The following RBMS3 variants were observed in gnomAD, a reference collection of about 807,000 sequenced individuals.
RBMS3 encodes the protein RNA binding motif single stranded interacting protein 3.
Under a neutral mutation model 66.8 loss-of-function variants are expected in RBMS3, and 27 were observed. That is an observed-to-expected ratio of 0.40 (90% CI 0.30 to 0.56). The LOEUF is 0.56. RBMS3 is among the 20% of genes least tolerant of loss of function. RBMS3 has a pLI of 0.40. For synonymous variants in RBMS3, 188 were observed against 183.0 expected, an observed-to-expected ratio of 1.03 and a Z score of -0.22; for missense variants, 513 against 549.5, an observed-to-expected ratio of 0.93 and a Z score of 0.66.
chr3:29,452,214 C>G (rs1346903411), intron 2 of RBMS3, among the ~76,000 whole-genome samples: 2 of 152,156 alleles, frequency 1.3e-5, no homozygotes, highest in African/African-American at 2.4e-5. Context: ...CCAGTTGATT[C>G]TCAGCTTATT....
intron 2 of RBMS3, among the ~76,000 whole-genome samples, chr3:29,451,608 A>T (rs143175065): frequency 1.1e-4 from 16 of 152,140 alleles, no homozygotes; most frequent in Non-Finnish European, 1.3e-4. Flanking sequence ...GTAGATCAGG[A>T]TCCTTTACTT....
intron 12 of RBMS3, among the ~76,000 whole-genome samples, chr3:29,964,084 C>T (rs1258472133): frequency 6.6e-6 from 1 of 152,046 alleles, no homozygotes; most frequent in African/African-American, 2.4e-5. Flanking sequence ...AGGAATCCAC[C>T]ACGAAGTGTG....
chr3:29,657,703 C>CT (rs2050375074), intron 4 of RBMS3, among the ~76,000 whole-genome samples: 1 of 152,132 alleles, frequency 6.6e-6, no homozygotes, highest in Non-Finnish European at 1.5e-5. Flanking sequence ...TATGGAGTGA[C>CT]TTTGATTAGT....
intron 1 of RBMS3, among the ~76,000 whole-genome samples, chr3:29,359,890 A>G (rs984066126): frequency 9.9e-5 from 15 of 151,972 alleles, no homozygotes; most frequent in African/African-American, 3.1e-4. Flanking sequence ...ATCAGTGGTG[A>G]TATCCCCTCT....
intron 4 of RBMS3, among the ~76,000 whole-genome samples, chr3:29,638,666 T>A (rs956358948): frequency 5.3e-5 from 8 of 151,794 alleles, no homozygotes; most frequent in African/African-American, 1.9e-4. Context: ...TCAGTTGCAT[T>A]TTAGGTGAAT....
At chr3:29,387,893 C>T (rs2039083526) in intron 1 of RBMS3, among the ~76,000 whole-genome samples, 1 of 152,078 alleles carries the variant, frequency 6.6e-6, no homozygotes, top group South Asian at 2.1e-4. Context: ...TTCTGTGTTA[C>T]CTTCTTCTCT....
chr3:29,382,123 T>A (rs1301656664), intron 1 of RBMS3, among the ~76,000 whole-genome samples: 1 of 152,162 alleles, frequency 6.6e-6, no homozygotes, highest in African/African-American at 2.4e-5. Flanking sequence ...AGGCTTATAA[T>A]TCTCACAAAG....
chr3:29,774,122 T>G (rs2056334597), intron 6 of RBMS3, among the ~76,000 whole-genome samples: 1 of 152,058 alleles, frequency 6.6e-6, no homozygotes, highest in Non-Finnish European at 1.5e-5. Flanking sequence ...AGTTTTACAG[T>G]CTCATCTGTA....
Position 29,815,349 on chromosome 3 carries a change from C to T in RBMS3, c.637+52360C>T, listed in dbSNP as rs145675353. Among the ~76,000 whole-genome samples the T allele has an allele frequency of 2.0e-3, 300 of 152,230 alleles. 4 individuals are homozygous for T. In the East Asian group the frequency reaches 0.042, roughly 21 times the overall value. ...TTTATAGTCACCTCTTTTAGAACTT[C>T]GAAGACTTAAAACCATAGTTATATC... On this transcript the variant is annotated intron_variant, in intron 6 of 14. Transcript: ENST00000383767.
At chr3:29,376,946 G>A (rs749391965) in intron 1 of RBMS3, among the ~76,000 whole-genome samples, 2 of 150,708 alleles carry the variant, frequency 1.3e-5, no homozygotes, top group Admixed American at 6.6e-5. Flanking sequence ...AAAATTAGCC[G>A]GACGTGGTGG....
chr3:29,334,772 G>T (rs1019780359), intron 1 of RBMS3, among the ~76,000 whole-genome samples: 1 of 152,140 alleles, frequency 6.6e-6, no homozygotes, highest in Non-Finnish European at 1.5e-5. Context: ...GAGACAATAT[G>T]GCTTGGCAGT....
intron 4 of RBMS3, among the ~76,000 whole-genome samples, chr3:29,604,312 T>A (rs1233993264): frequency 6.6e-6 from 1 of 152,004 alleles, no homozygotes; most frequent in African/African-American, 2.4e-5. Flanking sequence ...AACACCATTT[T>A]TAATATCTTT....
At chr3:29,954,390 CCA>C (rs1418968507) in intron 12 of RBMS3, among the ~76,000 whole-genome samples, 1 of 151,940 alleles carries the variant, frequency 6.6e-6, no homozygotes, top group African/African-American at 2.4e-5. Flanking sequence ...GCTTCTCAAT[CCA>C]GTTTCTTCTG....
intron 1 of RBMS3, among the ~76,000 whole-genome samples, chr3:29,378,864 A>G (rs989732358): frequency 1.1e-4 from 17 of 152,190 alleles, no homozygotes; most frequent in Admixed American, 9.2e-4. Flanking sequence ...TAAAACCAAA[A>G]TGCATTCATA....
At position 29,807,812 on chromosome 3, in the gene RBMS3, A is replaced by G. The variant is rs9840672; in HGVS notation, c.637+44823A>G. Among the ~76,000 whole-genome samples the G allele has an allele frequency of 2.2e-3, 328 of 151,248 alleles. 4 individuals are homozygous for G. The highest frequency in any genetic ancestry group is 7.7e-3 in the African/African-American group (316 of 41,182). On this transcript the variant is annotated intron_variant, in intron 6 of 14. Transcript: ENST00000383767. ...AAGGGGTGTGTGTGTGTGTGTGTGCAATATCTAACTATATTTGGGCAATGG... is the reference window on the plus strand; with the variant it reads ...AAGGGGTGTGTGTGTGTGTGTGTGCGATATCTAACTATATTTGGGCAATGG...
At chr3:29,622,989 C>T (rs1311554404) in intron 4 of RBMS3, among the ~76,000 whole-genome samples, 4 of 150,932 alleles carry the variant, frequency 2.7e-5, no homozygotes, top group African/African-American at 7.3e-5. Flanking sequence ...TGGTGGCGGG[C>T]GCCTGTAGTC....
intron 1 of RBMS3, among the ~76,000 whole-genome samples, chr3:29,324,745 T>C (rs1272887032): frequency 6.6e-6 from 1 of 151,524 alleles, no homozygotes; most frequent in Non-Finnish European, 1.5e-5. Context: ...TCCTAATTCT[T>C]TCCTTCTCTC....
chr3:29,411,281 A>T (rs1311650117), intron 1 of RBMS3, among the ~76,000 whole-genome samples: 3 of 152,234 alleles, frequency 2.0e-5, no homozygotes, highest in African/African-American at 7.2e-5. Flanking sequence ...GGTAAAGAAA[A>T]CATTACAAAT....
intron 1 of RBMS3, among the ~76,000 whole-genome samples, chr3:29,293,550 AGCT>A (rs2032994785): frequency 6.6e-6 from 1 of 151,780 alleles, no homozygotes. Context: ...ATAAAAGGCT[AGCT>A]GCTATTGTTA....
Sources: allele counts gnomAD v4.1 joint callset (sites outside exome capture counted in the v4.1 genomes callset), GRCh38; gene constraint gnomAD v4.1.1; transcripts MANE v1.5; gene names NCBI Gene and HGNC (gene_info 2026-07-23, HGNC 2026-07-21).